Variants in PDGFD observed in about 807,000 individuals in gnomAD.
PDGFD encodes platelet derived growth factor D, also known as platelet-derived growth factor D.
PDGFD carries 30 observed loss-of-function variants against 44.7 expected under a neutral mutation model. The ratio of observed to expected loss-of-function variants is 0.67; its 90% CI spans 0.50 to 0.91. The LOEUF is 0.91. Ranked by LOEUF, PDGFD falls within the 40% of genes least tolerant of loss-of-function variation. The pLI is 0.00. For synonymous variants in PDGFD, 173 were observed against 168.4 expected (o/e 1.03, Z -0.21); for missense variants, 445 against 457.8 (o/e 0.97, Z 0.25).
intron 3 of PDGFD, among the ~76,000 whole-genome samples, chr11:103,979,358 T>C (rs1276568080): frequency 6.6e-6 from 1 of 152,078 alleles, no homozygotes; most frequent in Non-Finnish European, 1.5e-5. Flanking sequence ...CCTATGTGAA[T>C]CATTTCCAGA....
chr11:104,019,536 T>C (rs1279178625), intron 1 of PDGFD, among the ~76,000 whole-genome samples: 4 of 152,200 alleles, frequency 2.6e-5, no homozygotes, highest in African/African-American at 4.8e-5. Flanking sequence ...CAAAGTACAA[T>C]GGCAGACACG....
chr11:104,056,131 C>T (rs1050400458), intron 1 of PDGFD, among the ~76,000 whole-genome samples: 12 of 151,942 alleles, frequency 7.9e-5, no homozygotes, highest in African/African-American at 1.7e-4. Flanking sequence ...AATGTAGAAA[C>T]GGAAAAGAGG....
intron 1 of PDGFD, among the ~76,000 whole-genome samples, chr11:104,086,695 T>A (rs1053698745): frequency 5.9e-5 from 9 of 152,214 alleles, no homozygotes; most frequent in Non-Finnish European, 1.5e-5. Flanking sequence ...GTCACAATAC[T>A]TTTTTCCCAG....
intron 1 of PDGFD, among the ~76,000 whole-genome samples, chr11:104,065,550 G>A (rs979391373): frequency 2.0e-5 from 3 of 152,018 alleles, no homozygotes; most frequent in African/African-American, 7.2e-5. Flanking sequence ...AATAAGAATG[G>A]AATATAAAAC....
chr11:103,940,974 A>C (rs1467735155), intron 5 of PDGFD, among the ~76,000 whole-genome samples: 1 of 152,130 alleles, frequency 6.6e-6, no homozygotes, highest in Non-Finnish European at 1.5e-5. Flanking sequence ...GTTTCTATAA[A>C]CTTTAGAAAT....
rs563188751 is a variant in PDGFD at position 103,987,086 on chromosome 11, A to C, written c.510+8979T>G. ...TCCAACCCCCCCCCACCCCAAACAA[A>C]TTATCCTTAAAAACTCCAATCCTTG... is the stretch of plus-strand genomic sequence containing the variant. On this transcript the variant is annotated intron_variant, in intron 3 of 6. Coordinates refer to ENST00000393158, the MANE Select transcript of PDGFD (RefSeq NM_025208.5). 2.0e-4 allele frequency among the ~76,000 whole-genome samples: 27 copies of C among 137,782 alleles called. No individual in the cohort carries two copies. In the South Asian group the frequency reaches 6.3e-3, roughly 32 times the overall value. 90.4% of individuals were successfully genotyped at this position (137,782 alleles called of 152,430 possible).
chr11:104,102,353 A>G (rs1861399402), intron 1 of PDGFD, among the ~76,000 whole-genome samples: 1 of 152,242 alleles, frequency 6.6e-6, no homozygotes, highest in African/African-American at 2.4e-5. Context: ...GTCATCAGAG[A>G]AATGCAAATC....
intron 5 of PDGFD, among the ~76,000 whole-genome samples, chr11:103,938,148 G>C (rs1314226663): frequency 6.6e-6 from 1 of 151,856 alleles, no homozygotes; most frequent in Non-Finnish European, 1.5e-5. Flanking sequence ...CACAATGGTT[G>C]AACTAGTTCA....
chr11:103,926,960 C>G lies in PDGFD; in HGVS notation c.939G>C (p.Trp313Cys). The G allele has an allele frequency of 1.2e-6, 2 of 1,614,160 alleles. No homozygotes were observed. Among genetic ancestry groups the G allele is most frequent in the Non-Finnish European group, 1.7e-6 (2 of 1,180,016 alleles). Residue 313 changes from tryptophan (W) to cysteine (C), a missense_variant, in exon 6 of 7, where the codon TGG becomes TGC. Coordinates refer to ENST00000393158, the MANE Select transcript of PDGFD (RefSeq NM_025208.5). ...GGNCGCGTVN[W>C]RSCTCNSGKT... ...TCCCTGAATTGCATGTGCAGGACCT[C>G]CAGTTGACAGTTCCACAGCCACAAT...
chr11:103,923,793 G>A lies in PDGFD; in HGVS notation c.987+3119C>T, dbSNP rs117032227. Among the ~76,000 whole-genome samples, 887 of 152,278 alleles carry A rather than the reference G, an allele frequency of 5.8e-3. 2 individuals carry two copies. Among genetic ancestry groups the A allele is most frequent in the Middle Eastern group, 0.014 (4 of 294 alleles). On this transcript the variant is annotated intron_variant, in intron 6 of 6. Transcript: ENST00000393158. The stretch of plus-strand genomic sequence containing the variant: ...GTTTGTTCCAGGTAAGCAGTTACTG[G>A]CTGGTGATGGATGTTTATTTTTCCT...
intron 1 of PDGFD, among the ~76,000 whole-genome samples, chr11:104,104,452 G>A (rs773179433): frequency 7.2e-5 from 11 of 152,206 alleles, no homozygotes; most frequent in Admixed American, 3.3e-4. Flanking sequence ...CTCATGCTAA[G>A]TGTCTAATAC....
At chr11:104,075,355 T>C (rs893142701) in intron 1 of PDGFD, among the ~76,000 whole-genome samples, 26 of 150,620 alleles carry the variant, frequency 1.7e-4, no homozygotes, top group African/African-American at 6.3e-4. Flanking sequence ...TATATTTGAA[T>C]TTGCCATTTG....
chr11:104,030,738 T>C (rs777400778), intron 1 of PDGFD, among the ~76,000 whole-genome samples: 9 of 152,140 alleles, frequency 5.9e-5, no homozygotes, highest in Non-Finnish European at 1.0e-4. Context: ...GTATGATACA[T>C]CAAGGAAAGG....
Position 103,926,976 on chromosome 11 carries a change from C to T in PDGFD, c.923G>A (p.Cys308Tyr). ...LVQRCGGNCG[C>Y]GTVNWRSCTC... ...GCAGGACCTCCAGTTGACAGTTCCACAGCCACAATTTCCTCCACAGCGCTG... is the reference window on the plus strand; with the variant it reads ...GCAGGACCTCCAGTTGACAGTTCCATAGCCACAATTTCCTCCACAGCGCTG... Residue 308 changes from cysteine to tyrosine, a missense_variant, in exon 6 of 7, where the codon TGT (cysteine) becomes TAT (tyrosine). Coordinates refer to ENST00000393158, the MANE Select transcript of PDGFD (RefSeq NM_025208.5). The T allele has an allele frequency of 1.2e-6, 2 of 1,614,196 alleles. No homozygotes were observed. The highest frequency in any genetic ancestry group is 1.7e-6 in the Non-Finnish European group (2 of 1,180,028).
At chr11:104,003,874 G>C (rs1271878499) in intron 1 of PDGFD, among the ~76,000 whole-genome samples, 1 of 152,186 alleles carries the variant, frequency 6.6e-6, no homozygotes, top group African/African-American at 2.4e-5. Flanking sequence ...GCAGATGACA[G>C]AAGGAGTGCC....
In PDGFD at chr11:103,943,437, G is replaced by C. The variant is rs200457793; in HGVS notation, c.772+15C>G. Reference sequence around the variant, plus strand: ...CTATGTGCTTATGAAGAATGTACAAGTGTCTGTCTCTTACCTTTTGACTTC... The same window carrying C: ...CTATGTGCTTATGAAGAATGTACAACTGTCTGTCTCTTACCTTTTGACTTC... On this transcript the variant is annotated intron_variant, in intron 5 of 6. Coordinates refer to ENST00000393158, the MANE Select transcript of PDGFD (RefSeq NM_025208.5). 210 of 1,603,504 alleles carry C rather than the reference G, an allele frequency of 1.3e-4. No homozygotes were observed. Among genetic ancestry groups the C allele is most frequent in the Non-Finnish European group, 2.0e-5 (23 of 1,172,672 alleles).
intron 1 of PDGFD, among the ~76,000 whole-genome samples, chr11:104,152,445 C>A (rs1195413254): frequency 2.6e-5 from 4 of 151,978 alleles, no homozygotes; most frequent in African/African-American, 7.2e-5. Context: ...AATTTATAAA[C>A]CAAAGATGCA....
At chr11:104,161,957 G>T (rs1862395299) in intron 1 of PDGFD, among the ~76,000 whole-genome samples, 1 of 151,558 alleles carries the variant, frequency 6.6e-6, no homozygotes, top group Non-Finnish European at 1.5e-5. Context: ...GAGAGTGTGT[G>T]TGTGTGTGTG....
chr11:104,115,296 A>T (rs1436368094), intron 1 of PDGFD, among the ~76,000 whole-genome samples: 1 of 149,570 alleles, frequency 6.7e-6, no homozygotes, highest in Non-Finnish European at 1.5e-5. Flanking sequence ...TATATATATG[A>T]CTATATATGA....
Sources: allele counts gnomAD v4.1 joint callset (sites outside exome capture counted in the v4.1 genomes callset), GRCh38; gene constraint gnomAD v4.1.1; transcripts MANE v1.5; gene names NCBI Gene and HGNC (gene_info 2026-07-23, HGNC 2026-07-21).